SNX29: variants seen among roughly 807,000 people sequenced by gnomAD.
SNX29 encodes the protein sorting nexin 29.
In SNX29, 78 loss-of-function variants were observed where a neutral mutation model predicts 102.1. The ratio of observed to expected loss-of-function variants is 0.76; its 90% CI spans 0.64 to 0.92. SNX29 has a LOEUF of 0.92. Ranked by LOEUF, SNX29 falls within the 40% of genes least tolerant of loss-of-function variation. SNX29 has a pLI of 0.00. For synonymous variants in SNX29, 580 were observed against 414.5 expected (o/e 1.40, Z -4.85); for missense variants, 1,280 against 1,061.7 (o/e 1.21, Z -2.86).
At chr16:11,983,720 A>G (rs1052334606) in intron 1 of SNX29, 1 of 985,130 alleles carries the variant, frequency 1.0e-6, no homozygotes, top group African/African-American at 1.7e-5. Context: ...GGTAACTGAT[A>G]GGAACTCAAA....
rs559816221 is a variant in SNX29 at position 12,480,075 on chromosome 16, C to G, written c.2178+2216C>G. On this transcript the variant is annotated intron_variant, in intron 19 of 20. Coordinates refer to ENST00000566228, the MANE Select transcript of SNX29 (RefSeq NM_032167.5). The stretch of plus-strand genomic sequence containing the variant: ...AGTTCAGTTCCTAGGGCATACAGTA[C>G]TGTATTTAGCTTAAAGTCTTAGTTA... Among the ~76,000 whole-genome samples, 11 of 152,346 alleles carry G rather than the reference C, an allele frequency of 7.2e-5. No homozygotes were observed. The South Asian group carries it at 1.7e-3, about 23-fold the overall frequency.
chr16:11,987,488 C>A (rs2055678116), intron 1 of SNX29, among the ~76,000 whole-genome samples: 1 of 151,246 alleles, frequency 6.6e-6, no homozygotes. Context: ...CCTCCACCTC[C>A]TGGGTTCGAG....
At chr16:12,447,675 C>G (rs1268763245) in intron 18 of SNX29, among the ~76,000 whole-genome samples, 1 of 152,186 alleles carries the variant, frequency 6.6e-6, no homozygotes, top group Admixed American at 6.5e-5. Flanking sequence ...TTTGAAAATT[C>G]CCTGGCTGGA....
chr16:12,110,913 T>G (rs2053477314), intron 11 of SNX29, among the ~76,000 whole-genome samples: 1 of 151,938 alleles, frequency 6.6e-6, no homozygotes, highest in African/African-American at 2.4e-5. Flanking sequence ...AGCCTCAAAC[T>G]CCTGGGCTCA....
intron 20 of SNX29, among the ~76,000 whole-genome samples, chr16:12,534,184 CATA>C (rs2141192619): frequency 6.6e-6 from 1 of 152,358 alleles, no homozygotes; most frequent in African/African-American, 2.4e-5. Flanking sequence ...CTGAGGTCTT[CATA>C]AGAGTGTGGG....
At chr16:12,521,270 T>C (rs1248875431) in intron 19 of SNX29, among the ~76,000 whole-genome samples, 1 of 152,182 alleles carries the variant, frequency 6.6e-6, no homozygotes, top group Non-Finnish European at 1.5e-5. Flanking sequence ...AAATCAGATT[T>C]TTTTTTTAAT....
intron 20 of SNX29, chr16:12,557,260 A>C (rs1409303174): frequency 2.0e-5 from 3 of 152,304 alleles, no homozygotes; most frequent in Non-Finnish European, 4.4e-5. Context: ...ATGGAAAGAT[A>C]AGTGGGGAGT....
chr16:12,333,777 G>A (rs534327904), intron 15 of SNX29, among the ~76,000 whole-genome samples: 3 of 152,284 alleles, frequency 2.0e-5, no homozygotes, highest in South Asian at 2.1e-4. Flanking sequence ...ATGTCCTGGG[G>A]ACTGGGCAGG....
At chr16:12,020,645 A>G (rs182045285) in intron 3 of SNX29, among the ~76,000 whole-genome samples, 1,944 of 147,100 alleles carry the variant, frequency 0.013, 34 homozygotes, top group African/African-American at 0.046. Flanking sequence ...TTTTTTTGAG[A>G]TGGAGTCTCG....
chr16:12,509,575 C>A (rs1419055564), intron 19 of SNX29, among the ~76,000 whole-genome samples: 1 of 152,134 alleles, frequency 6.6e-6, no homozygotes, highest in East Asian at 1.9e-4. Flanking sequence ...CAGGTGTGGG[C>A]AAGAAAATAT....
At chr16:12,549,417 C>T (rs559771014) in intron 20 of SNX29, among the ~76,000 whole-genome samples, 2 of 152,282 alleles carry the variant, frequency 1.3e-5, no homozygotes, top group Admixed American at 1.3e-4. Context: ...ATCTCTTGAA[C>T]CTGGGAGGTG....
Position 12,572,884 on chromosome 16 carries a change from C to T in SNX29, c.*4255C>T, listed in dbSNP as rs1052879053. 1 of 1,056,432 alleles carries T rather than the reference C, an allele frequency of 9.5e-7. No individual in the cohort carries two copies. The highest frequency in any genetic ancestry group is 1.1e-6 in the Non-Finnish European group (1 of 871,676). 65.4% of individuals were successfully genotyped at this position (1,056,432 alleles called of 1,614,324 possible). On this transcript the variant is annotated 3_prime_UTR_variant, in exon 21 of 21. Transcript: ENST00000566228. ...AAAGGTAATGATTGTCTTGACTCTG[C>T]CTTGGCATTTCGCTCGGAATCACGG...
intron 1 of SNX29, among the ~76,000 whole-genome samples, chr16:11,993,164 C>CATAAATAA (rs34364875): frequency 0.036 from 5,321 of 146,470 alleles, 109 homozygotes; most frequent in Non-Finnish European, 0.046. Context: ...GACTCTGTCT[C>CATAAATAA]ATAAATAAAT....
chr16:12,019,348 C>T (rs950550548), intron 3 of SNX29, among the ~76,000 whole-genome samples: 1 of 152,048 alleles, frequency 6.6e-6, no homozygotes, highest in African/African-American at 2.4e-5. Flanking sequence ...GCTGGGACTA[C>T]AGGCCCGCCA....
At chr16:12,159,809 AAG>A (rs1213902457) in intron 13 of SNX29, among the ~76,000 whole-genome samples, 1 of 152,204 alleles carries the variant, frequency 6.6e-6, no homozygotes, top group Admixed American at 6.5e-5. Flanking sequence ...GTGAACACTT[AAG>A]AGAGGGACAG....
intron 3 of SNX29, among the ~76,000 whole-genome samples, chr16:12,023,228 C>T (rs2151101218): frequency 6.6e-6 from 1 of 151,934 alleles, no homozygotes; most frequent in East Asian, 1.9e-4. Context: ...TTAAAATATT[C>T]ACTGTTGTTA....
At chr16:12,399,473 G>A (rs540866128) in intron 17 of SNX29, among the ~76,000 whole-genome samples, 1 of 152,352 alleles carries the variant, frequency 6.6e-6, no homozygotes, top group South Asian at 2.1e-4. Flanking sequence ...CACCCGTTGG[G>A]AAGAAAAGCC....
In SNX29 at chr16:12,078,922, A is replaced by G. The variant is rs1567186545; in HGVS notation, c.1402+7A>G. The G allele has an allele frequency of 6.3e-7, 1 of 1,592,750 alleles. No homozygotes were observed. The highest frequency in any genetic ancestry group is 8.6e-7 in the Non-Finnish European group (1 of 1,169,508). On this transcript the variant is annotated splice_region_variant and intron_variant, in intron 11 of 20. Coordinates refer to ENST00000566228, the MANE Select transcript of SNX29 (RefSeq NM_032167.5). ...CCAGAGTCCATGACAATTAGTAAGT[A>G]CTTTCGCAGCCCCCTCCACCAGCTC...
At chr16:12,082,702 G>C (rs1459624452) in intron 11 of SNX29, among the ~76,000 whole-genome samples, 1 of 152,182 alleles carries the variant, frequency 6.6e-6, no homozygotes, top group East Asian at 1.9e-4. Context: ...TAGAAACGTG[G>C]TCTGTGGTTA....
Sources: allele counts gnomAD v4.1 joint callset (sites outside exome capture counted in the v4.1 genomes callset), GRCh38; gene constraint gnomAD v4.1.1; transcripts MANE v1.5; gene names NCBI Gene and HGNC (gene_info 2026-07-23, HGNC 2026-07-21).